Variants in PHACTR3 observed in about 807,000 individuals in gnomAD.
The protein encoded by PHACTR3 is phosphatase and actin regulator 3.
A neutral mutation model predicts 66.8 loss-of-function variants in PHACTR3; 16 were observed. The ratio of observed to expected loss-of-function variants is 0.24; its 90% CI spans 0.16 to 0.36. PHACTR3 has a LOEUF of 0.36. Among genes scored for constraint, PHACTR3 ranks in the 10% least tolerant of loss-of-function variants. The probability of loss-of-function intolerance (pLI) is 1.00; values close to 1 mark genes in which losing one functional copy is unlikely to be tolerated. For missense variants in PHACTR3, 647 were observed against 719.9 expected (o/e 0.90, Z 1.16); for synonymous variants, 323 against 292.1 (o/e 1.11, Z -1.08).
intron 5 of PHACTR3, 136 bp from the exon 6 acceptor site, chr20:59,773,143 G>T (rs1207951356): frequency 3.2e-6 from 3 of 939,616 alleles, no homozygotes; most frequent in Non-Finnish European, 4.9e-6. Context: ...TCCCGGTCCA[G>T]CATCTTGGCA....
intron 1 of PHACTR3, 79 bp from the exon 2 acceptor site, chr20:59,743,026 TGA>T (rs2039225229): frequency 6.7e-7 from 1 of 1,493,872 alleles, no homozygotes; most frequent in African/African-American, 1.4e-5. Context: ...CCCCTTAGGG[TGA>T]GAGGTCATCA....
intron 7 of PHACTR3, among the ~76,000 whole-genome samples, chr20:59,775,627 G>A (rs889525686): frequency 6.6e-6 from 1 of 152,184 alleles, no homozygotes; most frequent in African/African-American, 2.4e-5. Context: ...GAGGCTGACT[G>A]CCACCGCGGA....
At chr20:59,729,941 A>T (rs971168075) in intron 1 of PHACTR3, among the ~76,000 whole-genome samples, 4 of 152,144 alleles carry the variant, frequency 2.6e-5, no homozygotes, top group Admixed American at 6.5e-5. Flanking sequence ...AAATCTTCAG[A>T]AGCACGCTCT....
intron 1 of PHACTR3, among the ~76,000 whole-genome samples, chr20:59,632,946 G>A (rs984400816): frequency 3.3e-5 from 5 of 152,168 alleles, no homozygotes; most frequent in South Asian, 2.1e-4. Flanking sequence ...GGTGGTTGCC[G>A]GGTGCTGAGA....
At position 59,588,721 on chromosome 20, in the gene PHACTR3, C is replaced by T. The variant is rs564086251; in HGVS notation, c.109+11104C>T. Among the ~76,000 whole-genome samples the T allele has an allele frequency of 8.1e-4, 123 of 152,342 alleles. No individual in the cohort carries two copies. In the Middle Eastern group the frequency reaches 0.01, roughly 13 times the overall value. On this transcript the variant is annotated intron_variant, in intron 1 of 12. Transcript: ENST00000359926. ...GTCTTGCCCTACCACCTCCCACCCCCGCTCCCTGGCCTCCATGCCTGGCAC... is the reference window on the plus strand; with the variant it reads ...GTCTTGCCCTACCACCTCCCACCCCTGCTCCCTGGCCTCCATGCCTGGCAC...
intron 10 of PHACTR3, 55 bp downstream of exon 10, chr20:59,840,485 C>A: frequency 6.2e-7 from 1 of 1,603,860 alleles, no homozygotes; most frequent in Non-Finnish European, 8.5e-7. Flanking sequence ...AGAACAGCTG[C>A]TTCGGTAGCA....
At chr20:59,657,302 C>T (rs1326019393) in intron 1 of PHACTR3, among the ~76,000 whole-genome samples, 1 of 150,914 alleles carries the variant, frequency 6.6e-6, no homozygotes, top group African/African-American at 2.4e-5. Context: ...TTATTTTATG[C>T]AATTGTTTAT....
chr20:59,700,206 A>G (rs1180075311), intron 1 of PHACTR3, among the ~76,000 whole-genome samples: 2 of 152,130 alleles, frequency 1.3e-5, no homozygotes, highest in Non-Finnish European at 2.9e-5. Flanking sequence ...ATGGAGATGG[A>G]TGTTGGTCTT....
At chr20:59,735,829 CA>C (rs2038925968) in intron 1 of PHACTR3, among the ~76,000 whole-genome samples, 1 of 152,096 alleles carries the variant, frequency 6.6e-6, no homozygotes, top group Non-Finnish European at 1.5e-5. Context: ...TCCCAGGGCA[CA>C]ATCTGAGAGT....
chr20:59,819,970 T>G (rs2041990614), intron 8 of PHACTR3, among the ~76,000 whole-genome samples: 1 of 152,160 alleles, frequency 6.6e-6, no homozygotes. Flanking sequence ...AATTTATGAT[T>G]TTCTTCCTTT....
intron 1 of PHACTR3, among the ~76,000 whole-genome samples, chr20:59,589,463 C>G (rs537895543): frequency 1.3e-5 from 2 of 152,154 alleles, no homozygotes; most frequent in Non-Finnish European, 2.9e-5. Flanking sequence ...GGCTGCAGAA[C>G]GTAAGATCTA....
chr20:59,739,549 C>T (rs918267536), intron 1 of PHACTR3, among the ~76,000 whole-genome samples: 19 of 152,170 alleles, frequency 1.2e-4, no homozygotes, highest in South Asian at 8.3e-4. Context: ...AAGTGCAGGG[C>T]GAAGGGGGAG....
At chr20:59,715,871 T>A (rs1461690509) in intron 1 of PHACTR3, among the ~76,000 whole-genome samples, 1 of 152,160 alleles carries the variant, frequency 6.6e-6, no homozygotes, top group Non-Finnish European at 1.5e-5. Flanking sequence ...GATTCATTTG[T>A]ATATTTATTT....
At chr20:59,749,126 C>T (rs966933147) in intron 3 of PHACTR3, among the ~76,000 whole-genome samples, 4 of 152,134 alleles carry the variant, frequency 2.6e-5, no homozygotes, top group Admixed American at 6.5e-5. Flanking sequence ...TCGTGACGCT[C>T]GGATTTGGCG....
chr20:59,689,726 C>T (rs1430359066), intron 1 of PHACTR3, among the ~76,000 whole-genome samples: 3 of 152,256 alleles, frequency 2.0e-5, no homozygotes, highest in Non-Finnish European at 4.4e-5. Context: ...GGGAGGGCAC[C>T]AACCTCTACC....
At chr20:59,821,965 T>C (rs1419494694) in intron 8 of PHACTR3, among the ~76,000 whole-genome samples, 21 of 80,402 alleles carry the variant, frequency 2.6e-4, no homozygotes, top group East Asian at 1.2e-3. Context: ...CCAGCAATCC[T>C]ACCCTTTCTG....
At chr20:59,784,678 C>T (rs1361876888) in intron 7 of PHACTR3, among the ~76,000 whole-genome samples, 1 of 152,204 alleles carries the variant, frequency 6.6e-6, no homozygotes, top group Non-Finnish European at 1.5e-5. Flanking sequence ...ATTCAAAAGA[C>T]ACCAAAGTGT....
chr20:59,800,516 C>A (rs185759643), intron 7 of PHACTR3, among the ~76,000 whole-genome samples: 7 of 152,290 alleles, frequency 4.6e-5, no homozygotes, highest in African/African-American at 1.7e-4. Context: ...TCTCTTGAGA[C>A]ATCTGCTGTC....
intron 1 of PHACTR3, among the ~76,000 whole-genome samples, chr20:59,633,237 A>G (rs2034729511): frequency 6.6e-6 from 1 of 152,202 alleles, no homozygotes; most frequent in South Asian, 2.1e-4. Flanking sequence ...AATAGCAAAG[A>G]CATGGAAACA....
Sources: allele counts gnomAD v4.1 joint callset (sites outside exome capture counted in the v4.1 genomes callset), GRCh38; gene constraint gnomAD v4.1.1; transcripts MANE v1.5; gene names NCBI Gene and HGNC (gene_info 2026-07-23, HGNC 2026-07-21).